ABCA12: variants seen among roughly 807,000 people sequenced by gnomAD.
ABCA12 encodes the protein ATP binding cassette subfamily A member 12, also known as glucosylceramide transporter ABCA12.
Under a neutral mutation model 293.5 loss-of-function variants are expected in ABCA12, and 156 were observed. The observed-to-expected ratio is 0.53, with a 90% CI of 0.47 to 0.61. The LOEUF is 0.61. Ranked by LOEUF, ABCA12 falls within the 20% of genes least tolerant of loss-of-function variation. The pLI, the probability that ABCA12 is intolerant of heterozygous loss-of-function variation, is 0.00. For missense variants in ABCA12, 2,797 were observed against 3,090.2 expected (o/e 0.91, Z 2.25); for synonymous variants, 1,063 against 1,108.0 (o/e 0.96, Z 0.81).
At position 214,974,785 on chromosome 2, in the gene ABCA12, T is replaced by TTACAGAACA; in HGVS notation, c.5460_5461insTGTTCTGTA (p.Thr1820_Ser1821insCysSerVal). ...AGAGCAAGAACCACTTACAGATCAC[T>TTACAGAACA]GGTGTTCAGACACATGTTGTCAATT... On this transcript the variant is annotated inframe_insertion, in exon 35 of 53. Transcript: ENST00000272895. 6.2e-7 allele frequency: 1 copy of TTACAGAACA among 1,614,012 alleles called. No individual in the cohort carries two copies. Among genetic ancestry groups the TTACAGAACA allele is most frequent in the Non-Finnish European group, 8.5e-7 (1 of 1,179,914 alleles).
Position 214,932,553 on chromosome 2 carries a change from T to A in ABCA12, c.*81A>T, listed in dbSNP as rs569267261. On this transcript the variant is annotated 3_prime_UTR_variant, in exon 53 of 53. Transcript: ENST00000272895. Reference sequence around the variant, plus strand: ...ATTACTTTACTTTAAAATGAAGATATCTTGCGGAAGTGTATCTTCTGTGGC... The same window carrying A: ...ATTACTTTACTTTAAAATGAAGATAACTTGCGGAAGTGTATCTTCTGTGGC... 4 of 989,096 alleles carry A rather than the reference T, an allele frequency of 4.0e-6. No homozygotes were observed. The highest frequency in any genetic ancestry group is 3.2e-5 in the African/African-American group (2 of 62,522). 61.3% of individuals were successfully genotyped at this position (989,096 alleles called of 1,614,324 possible).
intron 29 of ABCA12, among the ~76,000 whole-genome samples, chr2:214,982,736 A>T (rs1699695862): frequency 6.6e-6 from 1 of 152,214 alleles, no homozygotes; most frequent in South Asian, 2.1e-4. Flanking sequence ...TGGGAAAAGC[A>T]GTGAACACAT....
At chr2:214,999,428 G>T (rs1313214022) in intron 22 of ABCA12, among the ~76,000 whole-genome samples, 1 of 152,082 alleles carries the variant, frequency 6.6e-6, no homozygotes, top group Non-Finnish European at 1.5e-5. Flanking sequence ...CATCTGGAAA[G>T]TATGGACAAT....
At chr2:215,017,292 C>A (rs1295623211) in intron 14 of ABCA12, among the ~76,000 whole-genome samples, 1 of 152,180 alleles carries the variant, frequency 6.6e-6, no homozygotes, top group Non-Finnish European at 1.5e-5. Context: ...TTCCATGACA[C>A]TTCCAGACAA....
At chr2:215,102,033 G>GTC (rs1380055364) in intron 2 of ABCA12, among the ~76,000 whole-genome samples, 2 of 151,876 alleles carry the variant, frequency 1.3e-5, no homozygotes, top group Admixed American at 1.3e-4. Context: ...GTACACGTGT[G>GTC]TGTGTGTGTG....
Position 214,987,699 on chromosome 2 carries a change from G to A in ABCA12, c.3924C>T (p.Ser1308=), listed in dbSNP as rs750428836. The change falls in exon 27 of 53, where the codon AGC becomes AGT. Residue 1308 remains serine (S), a synonymous_variant. Coordinates refer to ENST00000272895, the MANE Select transcript of ABCA12 (RefSeq NM_173076.3). ...FGCAEVKPEK[S]NGLMFTNIMM... is the part of the protein sequence containing the mutation. The stretch of plus-strand genomic sequence containing the variant: ...TGATGTTAGTAAACATGAGGCCATT[G>A]CTCTTCTCAGGCTTCACCTCTGCAC... The A allele has an allele frequency of 6.2e-7, 1 of 1,614,062 alleles. No homozygotes were observed.
intron 2 of ABCA12, among the ~76,000 whole-genome samples, chr2:215,090,215 C>T (rs776825570): frequency 2.3e-4 from 35 of 152,272 alleles, no homozygotes; most frequent in Admixed American, 4.6e-4. Context: ...ACTCTCTTTT[C>T]GGAATCAGCC....
At chr2:215,137,730 T>G (rs1424088409) in intron 1 of ABCA12, among the ~76,000 whole-genome samples, 1 of 152,250 alleles carries the variant, frequency 6.6e-6, no homozygotes. Flanking sequence ...TCTATGGCTT[T>G]CAGTTTTCCA....
chr2:214,949,357 A>AAC (rs1257681387), intron 45 of ABCA12, among the ~76,000 whole-genome samples: 1 of 145,436 alleles, frequency 6.9e-6, no homozygotes, highest in African/African-American at 2.5e-5. Context: ...TAACCATCTG[A>AAC]ATATATATAT....
At chr2:215,107,629 G>C (rs1702490373) in intron 2 of ABCA12, among the ~76,000 whole-genome samples, 1 of 152,174 alleles carries the variant, frequency 6.6e-6, no homozygotes, top group Admixed American at 6.5e-5. Context: ...ATTGCAGCTG[G>C]TTCCCGCTCA....
intron 2 of ABCA12, among the ~76,000 whole-genome samples, chr2:215,081,893 C>A (rs1523717): frequency 0.98 from 149,803 of 152,250 alleles, 73,730 homozygotes; most frequent in East Asian, 1. Context: ...CTGATATCAA[C>A]GGAGCATTGG....
chr2:215,126,955 G>A (rs1360175157), intron 1 of ABCA12, among the ~76,000 whole-genome samples: 1 of 151,970 alleles, frequency 6.6e-6, no homozygotes, highest in African/African-American at 2.4e-5. Context: ...TGTTAGCACT[G>A]CCTTTGCTGT....
intron 1 of ABCA12, among the ~76,000 whole-genome samples, chr2:215,118,723 A>G (rs1400169329): frequency 1.3e-5 from 2 of 152,192 alleles, no homozygotes; most frequent in African/African-American, 4.8e-5. Context: ...AAGGGAAACA[A>G]AAAAATAATT....
intron 41 of ABCA12, 40 bp from the exon 42 acceptor site, chr2:214,956,818 C>T (rs778675643): frequency 3.0e-6 from 4 of 1,327,604 alleles, no homozygotes; most frequent in Non-Finnish European, 4.3e-6. Context: ...ACGTGACAAG[C>T]ATTTTTCAAA....
chr2:215,019,222 GGCAGATA>G, intron 13 of ABCA12, 107 bp downstream of exon 13: 2 of 859,612 alleles, frequency 2.3e-6, no homozygotes, highest in Non-Finnish European at 3.9e-6. Context: ...CATGTGTAAG[GGCAGATA>G]GCAAAGCGAG....
intron 19 of ABCA12, among the ~76,000 whole-genome samples, chr2:215,007,424 A>AT (rs1700278516): frequency 6.6e-6 from 1 of 152,170 alleles, no homozygotes; most frequent in Non-Finnish European, 1.5e-5. Context: ...AATAACAAGC[A>AT]TTTTTGTAGC....
intron 26 of ABCA12, among the ~76,000 whole-genome samples, chr2:214,988,844 T>C (rs1026978468): frequency 9.0e-4 from 137 of 152,080 alleles, no homozygotes; most frequent in African/African-American, 3.3e-3. Flanking sequence ...ATACTTCTTT[T>C]TGGAGATTAT....
chr2:214,937,564 G>A lies in ABCA12; in HGVS notation c.7488C>T (p.Thr2496=), dbSNP rs903616348. 6.2e-7 allele frequency: 1 copy of A among 1,613,888 alleles called. No individual in the cohort carries two copies. Among genetic ancestry groups the A allele is most frequent in the Non-Finnish European group, 8.5e-7 (1 of 1,179,878 alleles). Residue 2496 remains threonine, a synonymous_variant, in exon 51 of 53, where the codon ACC becomes ACT. Transcript: ENST00000272895. ...VKVHLKNNKV[T]METLTKFMQL... ...GCATGAACTTTGTGAGGGTCTCCAT[G>A]GTCACTTTGTTATTCTTCAAGTGAA...
intron 27 of ABCA12, 111 bp downstream of exon 27, chr2:214,987,536 C>T (rs898244336): frequency 3.0e-6 from 4 of 1,331,840 alleles, no homozygotes; most frequent in South Asian, 3.0e-5. Flanking sequence ...TCATCCATGA[C>T]TAAAAGGATG....
Sources: gnomAD v4.1 joint callset for allele counts (sites outside exome capture counted in the v4.1 genomes callset) on GRCh38, gnomAD v4.1.1 for gene constraint, MANE v1.5 for transcripts, NCBI Gene and HGNC (gene_info 2026-07-23, HGNC 2026-07-21) for gene names.